The following LPP variants were observed in gnomAD, a reference collection of about 807,000 sequenced individuals.
The protein encoded by LPP is lipoma-preferred partner.
Under a neutral mutation model 60.4 loss-of-function variants are expected in LPP, and 38 were observed. The observed-to-expected ratio is 0.63, with a 90% CI of 0.49 to 0.83. LPP has a LOEUF of 0.83. Ranked by LOEUF, LPP falls within the 40% of genes least tolerant of loss-of-function variation. LPP has a pLI of 0.00. For missense variants in LPP, 902 were observed against 783.6 expected, an observed-to-expected ratio of 1.15 and a Z score of -1.80; for synonymous variants, 328 against 290.8, an observed-to-expected ratio of 1.13 and a Z score of -1.30.
At chr3:188,824,992 C>A (rs756078600) in intron 9 of LPP, among the ~76,000 whole-genome samples, 2 of 152,070 alleles carry the variant, frequency 1.3e-5, no homozygotes, top group Non-Finnish European at 2.9e-5. Flanking sequence ...ATTCATCTTA[C>A]GTGACCAAGA....
intron 6 of LPP, among the ~76,000 whole-genome samples, chr3:188,607,413 AT>A (rs1458809480): frequency 0.013 from 463 of 36,494 alleles, 6 homozygotes; most frequent in Middle Eastern, 0.016. Context: ...ATATATATAT[AT>A]ATAATTTTTT....
intron 2 of LPP, among the ~76,000 whole-genome samples, chr3:188,256,091 C>T (rs1731572522): frequency 6.6e-6 from 1 of 152,020 alleles, no homozygotes; most frequent in Non-Finnish European, 1.5e-5. Flanking sequence ...TGAGACTCCA[C>T]CAACTAATTG....
chr3:188,531,614 G>A (rs11710978), intron 6 of LPP, among the ~76,000 whole-genome samples: 70,316 of 151,588 alleles, frequency 0.46, 17,068 homozygotes, highest in East Asian at 0.92. Context: ...TCCCTGAAGT[G>A]CAGAGAGGTT....
intron 4 of LPP, among the ~76,000 whole-genome samples, chr3:188,428,412 T>C (rs1790028858): frequency 6.6e-6 from 1 of 152,144 alleles, no homozygotes; most frequent in African/African-American, 2.4e-5. Flanking sequence ...ACTTGGAATC[T>C]ACAAATGTTC....
chr3:188,678,894 C>G (rs1858760966), intron 7 of LPP, among the ~76,000 whole-genome samples: 1 of 152,170 alleles, frequency 6.6e-6, no homozygotes, highest in Non-Finnish European at 1.5e-5. Context: ...GGTAGGTAAC[C>G]TGAGCTTTCC....
At chr3:188,611,283 A>G (rs1452048793) in intron 7 of LPP, among the ~76,000 whole-genome samples, 1 of 152,106 alleles carries the variant, frequency 6.6e-6, no homozygotes, top group African/African-American at 2.4e-5. Flanking sequence ...TTTAAACATG[A>G]CTCAGTTTCT....
intron 9 of LPP, among the ~76,000 whole-genome samples, chr3:188,769,775 C>T (rs1735277421): frequency 6.6e-6 from 1 of 152,122 alleles, no homozygotes; most frequent in Admixed American, 6.6e-5. Flanking sequence ...GCTACAGGTC[C>T]AGAGAGACAT....
intron 7 of LPP, among the ~76,000 whole-genome samples, chr3:188,673,731 T>A (rs6796000): frequency 0.34 from 51,498 of 151,946 alleles, 9,664 homozygotes; most frequent in East Asian, 0.76. Flanking sequence ...GAGTGCATGA[T>A]GTGAAAACTT....
intron 6 of LPP, among the ~76,000 whole-genome samples, chr3:188,576,167 A>G (rs1834569153): frequency 6.6e-6 from 1 of 152,188 alleles, no homozygotes; most frequent in Non-Finnish European, 1.5e-5. Context: ...GCCCTTTGAT[A>G]TTCTTTGGTC....
At chr3:188,224,534 A>G (rs1487935183) in intron 1 of LPP, among the ~76,000 whole-genome samples, 2 of 152,216 alleles carry the variant, frequency 1.3e-5, no homozygotes, top group Non-Finnish European at 2.9e-5. Context: ...ATTGCCATAA[A>G]GAAATAGCTG....
intron 1 of LPP, among the ~76,000 whole-genome samples, chr3:188,213,703 T>C (rs1019339596): frequency 6.6e-6 from 1 of 152,164 alleles, no homozygotes; most frequent in Non-Finnish European, 1.5e-5. Context: ...CATGTGAATG[T>C]CGTATGAATG....
chr3:188,411,706 C>A (rs1250585263), intron 4 of LPP, among the ~76,000 whole-genome samples: 1 of 152,034 alleles, frequency 6.6e-6, no homozygotes, highest in Admixed American at 6.6e-5. Context: ...ATACAACAAA[C>A]AACAACCACC....
intron 2 of LPP, among the ~76,000 whole-genome samples, chr3:188,316,149 G>C (rs1754992846): frequency 6.6e-6 from 1 of 152,126 alleles, no homozygotes; most frequent in Admixed American, 6.5e-5. Context: ...ATGGTGGCAG[G>C]CACCTGTAAT....
chr3:188,310,396 G>A (rs114717011), intron 2 of LPP, among the ~76,000 whole-genome samples: 7 of 152,046 alleles, frequency 4.6e-5, no homozygotes, highest in East Asian at 1.9e-4. Flanking sequence ...TGATGAGTGC[G>A]CTATAGGTGC....
intron 7 of LPP, among the ~76,000 whole-genome samples, chr3:188,653,211 A>G (rs1243443970): frequency 6.6e-6 from 1 of 152,162 alleles, no homozygotes; most frequent in African/African-American, 2.4e-5. Flanking sequence ...GATGTTGAGC[A>G]CCTCTCCTAA....
At position 188,246,575 on chromosome 3, in the gene LPP, T is replaced by C. The variant is rs114696852; in HGVS notation, c.-67+21048T>C. ...AAATAGGGCATGAGATCTTAAATATTCCTTCCAGTTTCTACATTTTCTATT... is the reference window on the plus strand; with the variant it reads ...AAATAGGGCATGAGATCTTAAATATCCCTTCCAGTTTCTACATTTTCTATT... On this transcript the variant is annotated intron_variant, in intron 2 of 11. Coordinates refer to ENST00000617246, the MANE Select transcript of LPP (RefSeq NM_001375462.1). Among the ~76,000 whole-genome samples, 668 of 152,314 alleles carry C rather than the reference T, an allele frequency of 4.4e-3. 1 individual carries two copies. Among genetic ancestry groups the C allele is most frequent in the African/African-American group, 0.015 (637 of 41,564 alleles).
intron 2 of LPP, among the ~76,000 whole-genome samples, chr3:188,283,204 C>T (rs985352496): frequency 1.1e-4 from 16 of 152,162 alleles, no homozygotes; most frequent in Admixed American, 2.0e-4. Flanking sequence ...TTCTTTAGCT[C>T]TCAACTTCTT....
At chr3:188,736,382 G>A (rs1722511498) in intron 8 of LPP, among the ~76,000 whole-genome samples, 1 of 151,644 alleles carries the variant, frequency 6.6e-6, no homozygotes, top group Non-Finnish European at 1.5e-5. Flanking sequence ...AGAAAGACAA[G>A]GAATGTAAAT....
At chr3:188,623,343 C>T (rs1170316478) in intron 7 of LPP, among the ~76,000 whole-genome samples, 8 of 151,540 alleles carry the variant, frequency 5.3e-5, no homozygotes, top group Middle Eastern at 3.4e-3. Context: ...CTTCAACCTC[C>T]GCCTCCCAGG....
Sources: gnomAD v4.1 joint callset for allele counts (sites outside exome capture counted in the v4.1 genomes callset) on GRCh38, gnomAD v4.1.1 for gene constraint, MANE v1.5 for transcripts, NCBI Gene and HGNC (gene_info 2026-07-23, HGNC 2026-07-21) for gene names.